EEF1AKMT1: variants seen among roughly 807,000 people sequenced by gnomAD.
The protein encoded by EEF1AKMT1 is EEF1A lysine methyltransferase 1, also known as N-6 adenine-specific DNA methyltransferase 2 (putative).
Under a neutral mutation model 21.0 loss-of-function variants are expected in EEF1AKMT1, and 18 were observed. The ratio of observed to expected loss-of-function variants is 0.86; its 90% CI spans 0.59 to 1.27. The LOEUF (loss-of-function observed/expected upper bound fraction) is 1.27, where lower values mean the gene tolerates loss of function less well. Among genes scored for constraint, EEF1AKMT1 ranks in the 50% most tolerant of loss-of-function variants. The pLI, the probability that EEF1AKMT1 is intolerant of heterozygous loss-of-function variation, is 0.00. For synonymous variants in EEF1AKMT1, 109 were observed against 94.8 expected (o/e 1.15, Z -0.87); for missense variants, 246 against 258.6 (o/e 0.95, Z 0.33).
chr13:20,730,946 AAC>A (rs1349317446), intron 4 of EEF1AKMT1, among the ~76,000 whole-genome samples: 2 of 152,208 alleles, frequency 1.3e-5, no homozygotes, highest in African/African-American at 4.8e-5. Flanking sequence ...TAAGGTCTGT[AAC>A]ACATACCGCA....
intron 1 of EEF1AKMT1, among the ~76,000 whole-genome samples, chr13:20,758,616 T>C (rs992890987): frequency 2.6e-5 from 4 of 151,994 alleles, no homozygotes; most frequent in Admixed American, 2.0e-4. Flanking sequence ...AATCTACAGA[T>C]TCAATACAAT....
intron 2 of EEF1AKMT1, among the ~76,000 whole-genome samples, chr13:20,744,528 T>C (rs1393013705): frequency 6.6e-6 from 1 of 152,364 alleles, no homozygotes; most frequent in South Asian, 2.1e-4. Flanking sequence ...CACTTTTTGA[T>C]GGGGCTGTTT....
At chr13:20,756,177 G>A (rs1415385379) in intron 2 of EEF1AKMT1, among the ~76,000 whole-genome samples, 1 of 152,058 alleles carries the variant, frequency 6.6e-6, no homozygotes, top group Non-Finnish European at 1.5e-5. Flanking sequence ...GCATACAGAA[G>A]CTTCCTTCCA....
At chr13:20,768,526 C>T (rs577684921) in intron 1 of EEF1AKMT1, among the ~76,000 whole-genome samples, 1 of 152,302 alleles carries the variant, frequency 6.6e-6, no homozygotes, top group South Asian at 2.1e-4. Flanking sequence ...GGAGGTCCCT[C>T]TGCAGATACC....
intron 2 of EEF1AKMT1, among the ~76,000 whole-genome samples, chr13:20,748,416 C>T (rs1167490323): frequency 6.8e-6 from 1 of 147,100 alleles, no homozygotes; most frequent in Non-Finnish European, 1.5e-5. Context: ...ACCTGGGCGA[C>T]AGAGCTAGAC....
At chr13:20,759,536 C>T (rs2058988639) in intron 1 of EEF1AKMT1, among the ~76,000 whole-genome samples, 2 of 151,498 alleles carry the variant, frequency 1.3e-5, no homozygotes, top group South Asian at 4.2e-4. Flanking sequence ...GCCGAGATGG[C>T]GCTACTGCAC....
At chr13:20,730,278 C>T (rs570373039) in intron 4 of EEF1AKMT1, among the ~76,000 whole-genome samples, 11 of 152,360 alleles carry the variant, frequency 7.2e-5, no homozygotes, top group African/African-American at 1.9e-4. Flanking sequence ...CAGGCAACCA[C>T]GGCATCTGTG....
chr13:20,771,356 A>G (rs1237462538), intron 1 of EEF1AKMT1, among the ~76,000 whole-genome samples: 1 of 152,214 alleles, frequency 6.6e-6, no homozygotes, highest in African/African-American at 2.4e-5. Flanking sequence ...TCATAGCTGT[A>G]AAAGGCAATT....
At chr13:20,766,322 A>T (rs2059032454) in intron 1 of EEF1AKMT1, among the ~76,000 whole-genome samples, 1 of 150,674 alleles carries the variant, frequency 6.6e-6, no homozygotes, top group African/African-American at 2.4e-5. Flanking sequence ...AAAAGAAAGA[A>T]AGAAAAGAAA....
chr13:20,772,753 TGCAGC>T (rs1387493908), intron 1 of EEF1AKMT1, among the ~76,000 whole-genome samples: 3 of 152,168 alleles, frequency 2.0e-5, no homozygotes, highest in African/African-American at 7.2e-5. Flanking sequence ...CACGTTAGCT[TGCAGC>T]ATAAGCAGGG....
intron 1 of EEF1AKMT1, among the ~76,000 whole-genome samples, chr13:20,758,460 C>T (rs2058982395): frequency 1.3e-5 from 2 of 152,024 alleles, no homozygotes. Context: ...ATATATAAAG[C>T]CAATTTCTTC....
chr13:20,767,305 C>CAAAAAAA (rs61703956), intron 1 of EEF1AKMT1, among the ~76,000 whole-genome samples: 1 of 40,348 alleles, frequency 2.5e-5, no homozygotes, highest in African/African-American at 8.3e-5. Context: ...GATTCTGTCT[C>CAAAAAAA]AAAAAAAAAA....
chr13:20,745,064 G>A (rs1353506185), intron 2 of EEF1AKMT1, among the ~76,000 whole-genome samples: 3 of 152,110 alleles, frequency 2.0e-5, no homozygotes, highest in African/African-American at 7.2e-5. Flanking sequence ...TGGCAACAGT[G>A]CCATGCTGTT....
intron 3 of EEF1AKMT1, among the ~76,000 whole-genome samples, chr13:20,734,688 G>A (rs1785170169): frequency 6.6e-6 from 1 of 151,880 alleles, no homozygotes; most frequent in South Asian, 2.1e-4. Flanking sequence ...CCGCCTCCCG[G>A]GTTCACGCCA....
At chr13:20,748,725 G>GTTTTTTTTT (rs1491496241) in intron 2 of EEF1AKMT1, among the ~76,000 whole-genome samples, 1 of 68,642 alleles carries the variant, frequency 1.5e-5, no homozygotes, top group Non-Finnish European at 2.6e-5. Flanking sequence ...GTTTTTTTTT[G>GTTTTTTTTT]GTTTTTTTTT....
chr13:20,736,117 G>C (rs1392001347), intron 3 of EEF1AKMT1, among the ~76,000 whole-genome samples: 2 of 152,158 alleles, frequency 1.3e-5, no homozygotes, highest in African/African-American at 2.4e-5. Context: ...GGGCCCTCTA[G>C]GACCCAGGAC....
intron 2 of EEF1AKMT1, chr13:20,746,952 C>G (rs2058908800): frequency 1.3e-5 from 2 of 152,448 alleles, no homozygotes; most frequent in Admixed American, 6.5e-5. Flanking sequence ...ACTTTGAAGC[C>G]CATTCATCTC....
At chr13:20,765,385 C>CTTTCTG (rs2059023463) in intron 1 of EEF1AKMT1, among the ~76,000 whole-genome samples, 1 of 117,286 alleles carries the variant, frequency 8.5e-6, no homozygotes, top group African/African-American at 3.3e-5. Flanking sequence ...TCATTATTTG[C>CTTTCTG]TTTCTGTTTC....
chr13:20,738,766 T>C (rs998496663), intron 2 of EEF1AKMT1, among the ~76,000 whole-genome samples: 6 of 152,346 alleles, frequency 3.9e-5, no homozygotes, highest in East Asian at 1.9e-4. Flanking sequence ...TTATATGAAA[T>C]GTCCCGAGTA....
Sources: allele counts gnomAD v4.1 joint callset (sites outside exome capture counted in the v4.1 genomes callset), GRCh38; gene constraint gnomAD v4.1.1; transcripts MANE v1.5; gene names NCBI Gene and HGNC (gene_info 2026-07-23, HGNC 2026-07-21).